CPQ: variants seen among roughly 807,000 people sequenced by gnomAD.
CPQ encodes Ser-Met dipeptidase.
A neutral mutation model predicts 45.7 loss-of-function variants in CPQ; 37 were observed. The observed-to-expected ratio is 0.81, with a 90% CI of 0.62 to 1.07. The LOEUF (loss-of-function observed/expected upper bound fraction) is 1.07, where lower values mean the gene tolerates loss of function less well. CPQ is among the 50% of genes least tolerant of loss of function. The probability of loss-of-function intolerance (pLI) is 0.00; values close to 1 mark genes in which losing one functional copy is unlikely to be tolerated. For missense variants in CPQ, 537 were observed against 572.9 expected (o/e 0.94, Z 0.64); for synonymous variants, 186 against 205.8 (o/e 0.90, Z 0.82).
At chr8:96,848,765 T>A (rs1276020270) in intron 3 of CPQ, among the ~76,000 whole-genome samples, 1 of 152,264 alleles carries the variant, frequency 6.6e-6, no homozygotes, top group Non-Finnish European at 1.5e-5. Context: ...TTTTATGTTT[T>A]TGTATAGTGA....
chr8:96,771,359 G>C (rs1255148115), intron 1 of CPQ, among the ~76,000 whole-genome samples: 1 of 151,760 alleles, frequency 6.6e-6, no homozygotes, highest in Admixed American at 6.6e-5. Context: ...ACTTTATTTA[G>C]GTTTCAGGAG....
At chr8:96,798,050 CAAAA>C (rs796338469) in intron 2 of CPQ, among the ~76,000 whole-genome samples, 1 of 137,700 alleles carries the variant, frequency 7.3e-6, no homozygotes. Context: ...GACTCCATCT[CAAAA>C]AAAAAAAAAG....
At chr8:96,897,888 AT>A (rs1812464621) in intron 4 of CPQ, among the ~76,000 whole-genome samples, 1 of 152,128 alleles carries the variant, frequency 6.6e-6, no homozygotes, top group African/African-American at 2.4e-5. Context: ...TTCCCTTTTA[AT>A]TTGCATACCA....
At chr8:97,122,865 A>G (rs1365872147) in intron 7 of CPQ, among the ~76,000 whole-genome samples, 1 of 146,484 alleles carries the variant, frequency 6.8e-6, no homozygotes, top group African/African-American at 2.6e-5. Context: ...AGCCTGGGCA[A>G]CAGAGTGAAA....
At chr8:96,855,714 G>A (rs921553098) in intron 3 of CPQ, among the ~76,000 whole-genome samples, 3 of 152,124 alleles carry the variant, frequency 2.0e-5, no homozygotes, top group Non-Finnish European at 4.4e-5. Flanking sequence ...ACTTACTAGT[G>A]GGGACAGACA....
chr8:96,777,334 C>A (rs1810617954), intron 1 of CPQ, among the ~76,000 whole-genome samples: 1 of 151,926 alleles, frequency 6.6e-6, no homozygotes, highest in South Asian at 2.1e-4. Flanking sequence ...GAAGCTCCAA[C>A]ATTTATGGAG....
Position 96,720,682 on chromosome 8 carries a change from CA to C in CPQ, c.-34-64181del, listed in dbSNP as rs1482363049. ...ATTACTATAAAAGAGATTTTTAAGA[CA>C]TTTTTTTCCCAGTTTTGCTCCCCCC... is the stretch of plus-strand genomic sequence containing the variant. On this transcript the variant is annotated intron_variant, in intron 1 of 7. Coordinates refer to ENST00000220763, the MANE Select transcript of CPQ (RefSeq NM_016134.4). 8.5e-5 allele frequency among the ~76,000 whole-genome samples: 13 copies of C among 152,092 alleles called. No individual in the cohort carries two copies. In the South Asian group the frequency reaches 2.7e-3, roughly 32 times the overall value.
intron 5 of CPQ, among the ~76,000 whole-genome samples, chr8:96,971,252 C>T (rs1347989374): frequency 6.6e-6 from 1 of 152,196 alleles, no homozygotes; most frequent in Non-Finnish European, 1.5e-5. Context: ...AAGCTAGAAC[C>T]ATATGATGAT....
intron 4 of CPQ, among the ~76,000 whole-genome samples, chr8:96,899,442 T>C (rs1017391567): frequency 1.3e-5 from 2 of 152,184 alleles, no homozygotes; most frequent in African/African-American, 4.8e-5. Context: ...GACTGTGTAA[T>C]TTATAAAGAA....
intron 4 of CPQ, among the ~76,000 whole-genome samples, chr8:96,890,083 C>T (rs1378007500): frequency 1.3e-5 from 2 of 152,120 alleles, no homozygotes; most frequent in Non-Finnish European, 2.9e-5. Context: ...AATAATTATG[C>T]CTAATATAAT....
chr8:96,759,709 A>G (rs1327435691), intron 1 of CPQ, among the ~76,000 whole-genome samples: 6 of 152,150 alleles, frequency 3.9e-5, no homozygotes, highest in Admixed American at 2.0e-4. Context: ...CGACTTGTCC[A>G]AAGTCATGCA....
intron 3 of CPQ, among the ~76,000 whole-genome samples, chr8:96,838,635 A>T (rs1811563058): frequency 6.6e-6 from 1 of 152,038 alleles, no homozygotes; most frequent in South Asian, 2.1e-4. Flanking sequence ...CTAGACTCTA[A>T]GTTCCAGAAA....
rs549847118 is a variant in CPQ, at chr8:96,683,722, A to AT, written c.-35+38326dup. Among the ~76,000 whole-genome samples, 82 of 146,532 alleles carry AT rather than the reference A, an allele frequency of 5.6e-4. No homozygotes were observed. The South Asian group carries it at 9.2e-3, about 16-fold the overall frequency. On this transcript the variant is annotated intron_variant, in intron 1 of 7. Coordinates refer to ENST00000220763, the MANE Select transcript of CPQ (RefSeq NM_016134.4). The stretch of plus-strand genomic sequence containing the variant: ...AGGCTTCCTTCATTCTTTTAAATCC[A>AT]TTTTTTCTATTTTTTTCTTTTCTCT...
chr8:96,719,845 C>T (rs1038572989), intron 1 of CPQ, among the ~76,000 whole-genome samples: 1 of 152,176 alleles, frequency 6.6e-6, no homozygotes, highest in South Asian at 2.1e-4. Context: ...AAGGCCTTCC[C>T]CTGTGCTTGG....
intron 6 of CPQ, among the ~76,000 whole-genome samples, chr8:97,038,162 T>C (rs547246183): frequency 6.6e-6 from 1 of 152,274 alleles, no homozygotes; most frequent in African/African-American, 2.4e-5. Context: ...AAGAGAAATA[T>C]CCCAACTTTT....
chr8:96,943,258 C>A (rs936941821), intron 4 of CPQ, among the ~76,000 whole-genome samples: 1 of 152,122 alleles, frequency 6.6e-6, no homozygotes, highest in Non-Finnish European at 1.5e-5. Context: ...CAGCTAAGAT[C>A]AATGGAACAG....
chr8:97,016,214 G>A (rs1349618972), intron 5 of CPQ, among the ~76,000 whole-genome samples: 3 of 152,174 alleles, frequency 2.0e-5, no homozygotes, highest in African/African-American at 7.2e-5. Context: ...GTCAACAAGA[G>A]CTGTTGATGT....
At chr8:96,788,174 T>C (rs1272058136) in intron 2 of CPQ, among the ~76,000 whole-genome samples, 1 of 151,836 alleles carries the variant, frequency 6.6e-6, no homozygotes, top group Non-Finnish European at 1.5e-5. Context: ...TTTTTTTTTT[T>C]TGAGATGGAG....
chr8:96,874,786 T>A (rs1207709008), intron 3 of CPQ, among the ~76,000 whole-genome samples: 1 of 151,940 alleles, frequency 6.6e-6, no homozygotes, highest in East Asian at 1.9e-4. Flanking sequence ...AAAATAATGC[T>A]GCTATGAATA....
Sources: gnomAD v4.1 joint callset for allele counts (sites outside exome capture counted in the v4.1 genomes callset) on GRCh38, gnomAD v4.1.1 for gene constraint, MANE v1.5 for transcripts, NCBI Gene and HGNC (gene_info 2026-07-23, HGNC 2026-07-21) for gene names.